The following BNC2 variants were observed in gnomAD, a reference collection of about 807,000 sequenced individuals.
The protein encoded by BNC2 is basonuclin zinc finger protein 2.
BNC2 carries 20 observed loss-of-function variants against 76.3 expected under a neutral mutation model. The ratio of observed to expected loss-of-function variants is 0.26; its 90% CI spans 0.18 to 0.38. The LOEUF (loss-of-function observed/expected upper bound fraction) is 0.38. Ranked by LOEUF, BNC2 falls within the 10% of genes least tolerant of loss-of-function variation. The probability of loss-of-function intolerance (pLI) is 1.00; values close to 1 mark genes in which losing one functional copy is unlikely to be tolerated. For synonymous variants in BNC2, 582 were observed against 514.8 expected, an observed-to-expected ratio of 1.13 and a Z score of -1.77; for missense variants, 1,382 against 1,399.8, an observed-to-expected ratio of 0.99 and a Z score of 0.20.
chr9:16,538,541 C>T (rs1222215071), intron 5 of BNC2, among the ~76,000 whole-genome samples: 1 of 152,090 alleles, frequency 6.6e-6, no homozygotes, highest in Admixed American at 6.5e-5. Flanking sequence ...TGATTTCTCA[C>T]TAAAAGGAAA....
At chr9:16,423,349 G>A (rs1820744924) in intron 6 of BNC2, among the ~76,000 whole-genome samples, 1 of 152,044 alleles carries the variant, frequency 6.6e-6, no homozygotes, top group African/African-American at 2.4e-5. Flanking sequence ...ATATATGGAA[G>A]GAAGTTCCTC....
intron 3 of BNC2, among the ~76,000 whole-genome samples, chr9:16,596,916 G>A (rs967773432): frequency 1.3e-5 from 2 of 152,092 alleles, no homozygotes; most frequent in African/African-American, 4.8e-5. Flanking sequence ...AAATATAACA[G>A]GCTGTAATTA....
intron 5 of BNC2, among the ~76,000 whole-genome samples, chr9:16,447,586 G>T (rs572284774): frequency 6.6e-6 from 1 of 152,122 alleles, no homozygotes; most frequent in East Asian, 1.9e-4. Context: ...TGATGTTTCT[G>T]TCTGGTGCTG....
chr9:16,772,251 T>A (rs1186877636), intron 1 of BNC2, among the ~76,000 whole-genome samples: 1 of 152,134 alleles, frequency 6.6e-6, no homozygotes, highest in Admixed American at 6.5e-5. Context: ...ACCAGGGGTG[T>A]ATATAAAAAT....
chr9:16,851,631 T>A (rs184042444), intron 1 of BNC2, among the ~76,000 whole-genome samples: 3 of 152,258 alleles, frequency 2.0e-5, no homozygotes, highest in Non-Finnish European at 2.9e-5. Flanking sequence ...AAACTTTTCA[T>A]AGCAATGAAT....
chr9:16,739,623 G>C (rs191800647), intron 1 of BNC2, among the ~76,000 whole-genome samples: 1 of 152,290 alleles, frequency 6.6e-6, no homozygotes, highest in African/African-American at 2.4e-5. Flanking sequence ...AGTGAGCGGA[G>C]ATTGTGCCAT....
intron 3 of BNC2, among the ~76,000 whole-genome samples, chr9:16,607,180 C>G (rs1438136066): frequency 6.6e-6 from 1 of 152,190 alleles, no homozygotes; most frequent in Admixed American, 6.5e-5. Context: ...ATCTCAAACT[C>G]CTGTGCTCAG....
At chr9:16,440,469 G>A (rs1190044203) in intron 5 of BNC2, among the ~76,000 whole-genome samples, 1 of 152,110 alleles carries the variant, frequency 6.6e-6, no homozygotes, top group African/African-American at 2.4e-5. Flanking sequence ...AATTTCTCAG[G>A]CTGAGCCTCA....
chr9:16,843,860 G>A (rs1483208009), intron 1 of BNC2, among the ~76,000 whole-genome samples: 1 of 152,180 alleles, frequency 6.6e-6, no homozygotes, highest in African/African-American at 2.4e-5. Flanking sequence ...ATTCATGTTA[G>A]AATTTTTCTT....
intron 4 of BNC2, among the ~76,000 whole-genome samples, chr9:16,577,692 C>T (rs924799662): frequency 6.6e-6 from 1 of 151,972 alleles, no homozygotes; most frequent in Non-Finnish European, 1.5e-5. Flanking sequence ...ATCTTTTCCT[C>T]GAATGAAATG....
At chr9:16,608,300 C>G (rs1458886025) in intron 3 of BNC2, among the ~76,000 whole-genome samples, 1 of 152,074 alleles carries the variant, frequency 6.6e-6, no homozygotes, top group African/African-American at 2.4e-5. Flanking sequence ...GCTTAAAAAG[C>G]TAAGCACAGT....
intron 5 of BNC2, among the ~76,000 whole-genome samples, chr9:16,496,279 C>A (rs1015696169): frequency 4.6e-5 from 7 of 152,130 alleles, no homozygotes; most frequent in Non-Finnish European, 7.4e-5. Flanking sequence ...GATACCAGAA[C>A]CCATATCTAA....
chr9:16,797,143 A>AAT (rs1817677210), intron 1 of BNC2, among the ~76,000 whole-genome samples: 1 of 114,102 alleles, frequency 8.8e-6, no homozygotes, highest in African/African-American at 2.5e-5. Flanking sequence ...CCTAAAGCTT[A>AAT]ATATAGATTT....
intron 6 of BNC2, among the ~76,000 whole-genome samples, chr9:16,432,824 C>T (rs967564023): frequency 6.6e-6 from 1 of 152,132 alleles, no homozygotes; most frequent in Admixed American, 6.5e-5. Flanking sequence ...GAAAACTTGT[C>T]TTAGCTTCAC....
At chr9:16,870,126 C>G (rs904293050) in intron 1 of BNC2, among the ~76,000 whole-genome samples, 1 of 152,130 alleles carries the variant, frequency 6.6e-6, no homozygotes, top group Non-Finnish European at 1.5e-5. Flanking sequence ...GAAGAGTCAA[C>G]GTGCCGGGCC....
At chr9:16,828,128 T>G (rs1168597607) in intron 1 of BNC2, among the ~76,000 whole-genome samples, 1 of 152,158 alleles carries the variant, frequency 6.6e-6, no homozygotes, top group Non-Finnish European at 1.5e-5. Context: ...GGAAAAAAAT[T>G]GACAGACATA....
chr9:16,532,780 C>T (rs1167541808), intron 5 of BNC2, among the ~76,000 whole-genome samples: 5 of 152,132 alleles, frequency 3.3e-5, no homozygotes, highest in African/African-American at 7.2e-5. Flanking sequence ...CTTCTACTTA[C>T]GTCTGGTATG....
At chr9:16,831,236 A>G (rs2136022053) in intron 1 of BNC2, among the ~76,000 whole-genome samples, 1 of 152,356 alleles carries the variant, frequency 6.6e-6, no homozygotes, top group Admixed American at 6.5e-5. Context: ...AGGGGCTAAC[A>G]GATTTCCAAA....
At chr9:16,549,331 A>G (rs1456614263) in intron 5 of BNC2, among the ~76,000 whole-genome samples, 1 of 152,210 alleles carries the variant, frequency 6.6e-6, no homozygotes, top group Non-Finnish European at 1.5e-5. Flanking sequence ...AACCAAGTCA[A>G]TATGTGGTAA....
Sources: gnomAD v4.1 joint callset for allele counts (sites outside exome capture counted in the v4.1 genomes callset) on GRCh38, gnomAD v4.1.1 for gene constraint, MANE v1.5 for transcripts, NCBI Gene and HGNC (gene_info 2026-07-23, HGNC 2026-07-21) for gene names.